Variants in SCAMP1 observed in about 807,000 individuals in gnomAD.
SCAMP1 encodes secretory carrier membrane protein 1, also known as secretory carrier-associated membrane protein 1.
SCAMP1 carries 15 observed loss-of-function variants against 41.8 expected under a neutral mutation model. That is an observed-to-expected ratio of 0.36 (90% confidence interval 0.24 to 0.55). The LOEUF is 0.55. Ranked by LOEUF, SCAMP1 falls within the 20% of genes least tolerant of loss-of-function variation. The pLI, the probability that SCAMP1 is intolerant of heterozygous loss-of-function variation, is 0.86. For synonymous variants in SCAMP1, 135 were observed against 136.8 expected, an observed-to-expected ratio of 0.99 and a Z score of 0.09; for missense variants, 341 against 412.6, an observed-to-expected ratio of 0.83 and a Z score of 1.50.
At chr5:78,423,009 C>T (rs1187115388) in intron 6 of SCAMP1, among the ~76,000 whole-genome samples, 7 of 36,454 alleles carry the variant, frequency 1.9e-4, no homozygotes, top group South Asian at 1.0e-3. Context: ...GTAACACACG[C>T]GCGCGCGCAC....
chr5:78,420,323 A>C (rs752474752), intron 5 of SCAMP1, among the ~76,000 whole-genome samples: 3 of 152,254 alleles, frequency 2.0e-5, no homozygotes, highest in Non-Finnish European at 2.9e-5. Flanking sequence ...AAATAACCTA[A>C]TTTGAAAATT....
rs144368758 is a variant in SCAMP1, at chr5:78,377,204, T to C, written c.58-11633T>C. Reference sequence around the variant, plus strand: ...TCACCAGTTAAAATAACAGTAACCATATTTATTGGCTCTGTTTTTGCTTTG... The same window carrying C: ...TCACCAGTTAAAATAACAGTAACCACATTTATTGGCTCTGTTTTTGCTTTG... On this transcript the variant is annotated intron_variant, in intron 1 of 8. Coordinates refer to ENST00000621999, the MANE Select transcript of SCAMP1 (RefSeq NM_004866.6). 4.7e-3 allele frequency among the ~76,000 whole-genome samples: 723 copies of C among 152,290 alleles called. 4 individuals carry two copies. The highest frequency in any genetic ancestry group is 0.016 in the African/African-American group (673 of 41,550).
chr5:78,454,940 ATTTC>A (rs1753347375), intron 7 of SCAMP1, among the ~76,000 whole-genome samples: 1 of 152,064 alleles, frequency 6.6e-6, no homozygotes, highest in Non-Finnish European at 1.5e-5. Context: ...GAATTTATCC[ATTTC>A]TTCTAGATTT....
chr5:78,421,345 C>G (rs995981761), intron 5 of SCAMP1, among the ~76,000 whole-genome samples: 2 of 152,172 alleles, frequency 1.3e-5, no homozygotes, highest in Non-Finnish European at 2.9e-5. Flanking sequence ...TATATAGTCA[C>G]TAGAAATTGC....
At chr5:78,364,605 T>C (rs1242296949) in intron 1 of SCAMP1, among the ~76,000 whole-genome samples, 1 of 152,134 alleles carries the variant, frequency 6.6e-6, no homozygotes, top group Non-Finnish European at 1.5e-5. Flanking sequence ...CTGTATGTGC[T>C]CCCTGGTTGC....
chr5:78,460,061 T>C (rs943225116), intron 8 of SCAMP1, among the ~76,000 whole-genome samples: 2 of 152,232 alleles, frequency 1.3e-5, no homozygotes, highest in Non-Finnish European at 2.9e-5. Flanking sequence ...TGCAGCTGCA[T>C]CTATGTTGCT....
At chr5:78,450,431 ATATATTTT>A (rs1367454005) in intron 7 of SCAMP1, among the ~76,000 whole-genome samples, 1 of 152,190 alleles carries the variant, frequency 6.6e-6, no homozygotes, top group Non-Finnish European at 1.5e-5. Flanking sequence ...ATACAAACAG[ATATATTTT>A]TATATACGAA....
At chr5:78,459,699 A>G (rs927966001) in intron 8 of SCAMP1, among the ~76,000 whole-genome samples, 1 of 152,224 alleles carries the variant, frequency 6.6e-6, no homozygotes, top group Non-Finnish European at 1.5e-5. Context: ...GTTAATAAAT[A>G]GAAGTAAAAT....
intron 1 of SCAMP1, among the ~76,000 whole-genome samples, chr5:78,378,005 T>A (rs1019263651): frequency 2.0e-5 from 3 of 152,172 alleles, no homozygotes; most frequent in Admixed American, 6.5e-5. Flanking sequence ...CCATTGTGAT[T>A]ATCAAATTTC....
chr5:78,432,705 T>C (rs936028706), intron 6 of SCAMP1, among the ~76,000 whole-genome samples: 2 of 151,968 alleles, frequency 1.3e-5, no homozygotes, highest in African/African-American at 4.8e-5. Context: ...ATGTGTGTTA[T>C]GTATATGTGT....
intron 1 of SCAMP1, among the ~76,000 whole-genome samples, chr5:78,388,594 A>G (rs1392506889): frequency 3.3e-5 from 5 of 152,184 alleles, no homozygotes; most frequent in African/African-American, 9.7e-5. Context: ...ATCTTGATGT[A>G]ATAGCTTGCA....
At position 78,382,566 on chromosome 5, in the gene SCAMP1, C is replaced by G. The variant is rs539805414; in HGVS notation, c.58-6271C>G. 1.2e-4 allele frequency among the ~76,000 whole-genome samples: 18 copies of G among 152,212 alleles called. No homozygotes were observed. The South Asian group carries it at 3.7e-3, about 32-fold the overall frequency. ...CATTATGTAGTCTTTTATCCGTCAC[C>G]CAACTCCCACCCTTTCCCATGAGTC... On this transcript the variant is annotated intron_variant, in intron 1 of 8. Transcript: ENST00000621999.
chr5:78,425,741 CTA>C (rs1752452815), intron 6 of SCAMP1, among the ~76,000 whole-genome samples: 1 of 152,066 alleles, frequency 6.6e-6, no homozygotes, highest in Admixed American at 6.6e-5. Flanking sequence ...ATTGTATATA[CTA>C]TAAAATTCAC....
At chr5:78,411,054 T>C (rs2362827) in intron 2 of SCAMP1, among the ~76,000 whole-genome samples, 114,941 of 152,072 alleles carry the variant, frequency 0.76, 43,984 homozygotes, top group African/African-American at 0.82. Flanking sequence ...GTCAGATGGA[T>C]AGATTGCAAA....
intron 2 of SCAMP1, among the ~76,000 whole-genome samples, chr5:78,403,927 G>A (rs112180775): frequency 0.25 from 32,820 of 132,510 alleles, 4,395 homozygotes; most frequent in East Asian, 0.55. Context: ...ATCGTGCCTA[G>A]GGGACAGAGT....
rs563872171 is a variant in SCAMP1 at position 78,450,345 on chromosome 5, G to A, written c.734+311G>A. 4.6e-5 allele frequency among the ~76,000 whole-genome samples: 7 copies of A among 152,200 alleles called. No homozygotes were observed. The East Asian group carries it at 1.4e-3, about 29-fold the overall frequency. Reference sequence around the variant, plus strand: ...CAGAGAGATAGAGGGACCAAGGAATGTGGAAGGGACAGGAAAGAGCTTCAG... The same window carrying A: ...CAGAGAGATAGAGGGACCAAGGAATATGGAAGGGACAGGAAAGAGCTTCAG... On this transcript the variant is annotated intron_variant, in intron 7 of 8. Coordinates refer to ENST00000621999, the MANE Select transcript of SCAMP1 (RefSeq NM_004866.6).
intron 8 of SCAMP1, among the ~76,000 whole-genome samples, chr5:78,464,656 G>A (rs544367455): frequency 2.9e-5 from 4 of 139,464 alleles, no homozygotes; most frequent in Admixed American, 6.9e-5. Flanking sequence ...GTGGCAGTGC[G>A]AAGAAGGGCT....
chr5:78,466,751 T>A (rs1158855513), intron 8 of SCAMP1, among the ~76,000 whole-genome samples: 1 of 152,182 alleles, frequency 6.6e-6, no homozygotes, highest in African/African-American at 2.4e-5. Flanking sequence ...TTGATTAGAT[T>A]TGAATTTTAG....
intron 1 of SCAMP1, among the ~76,000 whole-genome samples, chr5:78,366,575 A>G (rs1361448425): frequency 6.6e-6 from 1 of 152,250 alleles, no homozygotes; most frequent in African/African-American, 2.4e-5. Flanking sequence ...GTGATTTTTA[A>G]GGAAACAAAC....
Sources: gnomAD v4.1 joint callset for allele counts (sites outside exome capture counted in the v4.1 genomes callset) on GRCh38, gnomAD v4.1.1 for gene constraint, MANE v1.5 for transcripts, NCBI Gene and HGNC (gene_info 2026-07-23, HGNC 2026-07-21) for gene names.